USP45: variants seen among roughly 807,000 people sequenced by gnomAD.
The protein encoded by USP45 is ubiquitin specific peptidase 45, also known as ubiquitin carboxyl-terminal hydrolase 45.
USP45 carries 89 observed loss-of-function variants against 95.8 expected under a neutral mutation model. The ratio of observed to expected loss-of-function variants is 0.93; its 90% CI spans 0.78 to 1.11. USP45 has a LOEUF of 1.11. USP45 is among the 50% of genes least tolerant of loss of function. USP45 has a pLI of 0.00. For missense variants in USP45, 898 were observed against 942.5 expected (o/e 0.95, Z 0.62); for synonymous variants, 281 against 316.2 (o/e 0.89, Z 1.18).
At chr6:99,468,672 T>C (rs1244673063) in intron 9 of USP45, 54 bp from the exon 10 acceptor site, 1 of 1,205,848 alleles carries the variant, frequency 8.3e-7, no homozygotes, top group Non-Finnish European at 1.2e-6. Flanking sequence ...TCAGGCCTCA[T>C]CCTCCTAATA....
Position 99,492,181 on chromosome 6 carries a change from A to C in USP45, c.479-3361T>G, listed in dbSNP as rs72932533. Among the ~76,000 whole-genome samples, 267 of 152,336 alleles carry C rather than the reference A, an allele frequency of 1.8e-3. 3 individuals are homozygous for C. The Middle Eastern group carries it at 0.034, about 19-fold the overall frequency. On this transcript the variant is annotated intron_variant, in intron 5 of 17. Transcript: ENST00000500704. ...ACTGCAGGCAAAATAAAGCATAAAC[A>C]TATGGAAAAACAGATTTTCCCCCTC... is the stretch of plus-strand genomic sequence containing the variant.
At chr6:99,498,298 C>A (rs946160613) in intron 5 of USP45, among the ~76,000 whole-genome samples, 2 of 152,114 alleles carry the variant, frequency 1.3e-5, no homozygotes, top group African/African-American at 4.8e-5. Flanking sequence ...CTATCTACTT[C>A]CTCAACAAAA....
chr6:99,475,926 G>A (rs1458698447), intron 9 of USP45, among the ~76,000 whole-genome samples: 1 of 152,104 alleles, frequency 6.6e-6, no homozygotes, highest in Non-Finnish European at 1.5e-5. Flanking sequence ...CTGGGTTCAA[G>A]CAATTCTCAT....
chr6:99,494,286 G>C (rs764521086), intron 5 of USP45, among the ~76,000 whole-genome samples: 20 of 152,098 alleles, frequency 1.3e-4, no homozygotes, highest in Non-Finnish European at 1.2e-4. Flanking sequence ...TATAGACCTG[G>C]AATGCAAAGA....
At chr6:99,458,653 TCATAA>T (rs1171754611) in intron 13 of USP45, among the ~76,000 whole-genome samples, 1 of 152,174 alleles carries the variant, frequency 6.6e-6, no homozygotes, top group Admixed American at 6.5e-5. Flanking sequence ...AAAACAGTGA[TCATAA>T]CATAATTAAG....
intron 4 of USP45, among the ~76,000 whole-genome samples, chr6:99,506,667 A>G (rs1798592174): frequency 6.6e-6 from 1 of 152,210 alleles, no homozygotes; most frequent in Admixed American, 6.5e-5. Context: ...TAAATATTAC[A>G]TAGTTTCCTT....
intron 5 of USP45, among the ~76,000 whole-genome samples, chr6:99,498,212 A>G (rs1796703863): frequency 6.6e-6 from 1 of 152,226 alleles, no homozygotes; most frequent in Non-Finnish European, 1.5e-5. Context: ...GCAGAAACTC[A>G]GAGATATTAA....
intron 15 of USP45, among the ~76,000 whole-genome samples, chr6:99,441,308 G>C (rs542468392): frequency 6.6e-6 from 1 of 152,218 alleles, no homozygotes; most frequent in African/African-American, 2.4e-5. Context: ...GAGGTGGGTG[G>C]ATCACCTGAG....
chr6:99,476,939 T>C (rs571419588), intron 8 of USP45, among the ~76,000 whole-genome samples: 3 of 152,322 alleles, frequency 2.0e-5, no homozygotes, highest in South Asian at 2.1e-4. Context: ...GACACTGACA[T>C]AGGAAATATT....
rs542717572 is a variant in USP45, at chr6:99,513,143, T to C, written c.-11+2249A>G. On this transcript the variant is annotated intron_variant, in intron 1 of 17. Coordinates refer to ENST00000500704, the MANE Select transcript of USP45 (RefSeq NM_001346022.3). ...GTACCCAAAAATAGGTGAACCGGAA[T>C]ACTTGTGCAGAGCCTTAAGGACTAC... is the stretch of plus-strand genomic sequence containing the variant. Among the ~76,000 whole-genome samples, 25 of 152,264 alleles carry C rather than the reference T, an allele frequency of 1.6e-4. No homozygotes were observed. The South Asian group carries it at 4.6e-3, about 28-fold the overall frequency.
intron 9 of USP45, among the ~76,000 whole-genome samples, chr6:99,469,970 CT>C (rs1197550613): frequency 1.3e-5 from 2 of 151,932 alleles, no homozygotes; most frequent in Non-Finnish European, 2.9e-5. Context: ...TATATGCCAC[CT>C]TTTGAATAAG....
intron 5 of USP45, chr6:99,502,110 A>G (rs992805390): frequency 2.6e-6 from 3 of 1,161,906 alleles, no homozygotes; most frequent in African/African-American, 3.3e-5. Context: ...ACACAATGAA[A>G]TCCCAATAAA....
intron 13 of USP45, among the ~76,000 whole-genome samples, chr6:99,447,768 C>T (rs1042106800): frequency 4.6e-5 from 7 of 152,182 alleles, no homozygotes; most frequent in South Asian, 2.1e-4. Flanking sequence ...CCCTGACCTC[C>T]GAGTAGCCTA....
At chr6:99,499,671 C>T (rs191995059) in intron 5 of USP45, among the ~76,000 whole-genome samples, 1 of 152,312 alleles carries the variant, frequency 6.6e-6, no homozygotes, top group Admixed American at 6.5e-5. Context: ...CCGTGCCCCA[C>T]CACTCCAGGT....
intron 13 of USP45, chr6:99,462,655 G>A: frequency 2.0e-6 from 2 of 985,400 alleles, no homozygotes; most frequent in Non-Finnish European, 2.4e-6. Flanking sequence ...CTGAAGTCTT[G>A]TGACTTCTAA....
chr6:99,503,576 C>T (rs1797866612), intron 5 of USP45, among the ~76,000 whole-genome samples, 189 bp downstream of exon 5: 2 of 152,136 alleles, frequency 1.3e-5, no homozygotes, highest in Non-Finnish European at 2.9e-5. Context: ...ATGATCCACC[C>T]ACCTTGGCCT....
intron 8 of USP45, among the ~76,000 whole-genome samples, 187 bp from the exon 9 acceptor site, chr6:99,476,417 G>A (rs1049792497): frequency 1.3e-5 from 2 of 152,104 alleles, no homozygotes; most frequent in Non-Finnish European, 2.9e-5. Flanking sequence ...ACCAGCCTGG[G>A]CAACAAGGCA....
intron 13 of USP45, chr6:99,461,726 A>G: frequency 1.0e-6 from 1 of 985,208 alleles, no homozygotes; most frequent in Non-Finnish European, 1.2e-6. Flanking sequence ...TCAAAAACTT[A>G]TGATCAAATC....
At chr6:99,441,791 A>G (rs1562298665) in intron 15 of USP45, among the ~76,000 whole-genome samples, 1 of 152,146 alleles carries the variant, frequency 6.6e-6, no homozygotes, top group Non-Finnish European at 1.5e-5. Context: ...ATGTCAGTTG[A>G]TATTCTTTTC....
Sources: allele counts gnomAD v4.1 joint callset (sites outside exome capture counted in the v4.1 genomes callset), GRCh38; gene constraint gnomAD v4.1.1; transcripts MANE v1.5; gene names NCBI Gene and HGNC (gene_info 2026-07-23, HGNC 2026-07-21).